Variants in ZNF107 observed in about 807,000 individuals in gnomAD.
The protein encoded by ZNF107 is zinc finger protein 107.
In ZNF107, 19 loss-of-function variants were observed where a neutral mutation model predicts 12.3. The observed-to-expected ratio is 1.55, with a 90% CI of 1.08 to 2.27. The LOEUF is 2.27. Among genes scored for constraint, ZNF107 ranks in the 30% most tolerant of loss-of-function variants. The pLI is 0.00. For missense variants in ZNF107, 958 were observed against 979.9 expected, an observed-to-expected ratio of 0.98 and a Z score of 0.30; for synonymous variants, 317 against 330.5, an observed-to-expected ratio of 0.96 and a Z score of 0.44.
intron 3 of ZNF107, among the ~76,000 whole-genome samples, chr7:64,695,555 TTGCAA>T (rs1790260399): frequency 6.6e-6 from 1 of 152,222 alleles, no homozygotes; most frequent in Non-Finnish European, 1.5e-5. Context: ...TTTAGATAAT[TTGCAA>T]TTCTGTTTGT....
Position 64,689,955 on chromosome 7 carries a change from A to C in ZNF107, c.4-1293A>C, listed in dbSNP as rs976317890. 2.0e-5 allele frequency: 3 copies of C among 152,238 alleles called. No individual in the cohort carries two copies. In the East Asian group the frequency reaches 5.8e-4, roughly 29 times the overall value. The allele number at this position is 152,238 out of a possible 1,614,324, so 9.4% of individuals were successfully genotyped here. On this transcript the variant is annotated intron_variant, in intron 1 of 3. Transcript: ENST00000620827. ...AAGGAGGAGGTCTGGAGACTCAAGC[A>C]GATAAACTAATTGCTACCATTTCAT...
At chr7:64,695,565 GTTTGTAC>G (rs1790261131) in intron 3 of ZNF107, among the ~76,000 whole-genome samples, 1 of 152,052 alleles carries the variant, frequency 6.6e-6, no homozygotes, top group Non-Finnish European at 1.5e-5. Context: ...TTGCAATTCT[GTTTGTAC>G]ACTTTTAAGT....
intron 1 of ZNF107, among the ~76,000 whole-genome samples, chr7:64,677,787 G>A (rs1413172902): frequency 6.6e-5 from 10 of 150,696 alleles, no homozygotes; most frequent in Admixed American, 6.6e-4. Flanking sequence ...GCAAGGCGGG[G>A]CTTGCAGTGA....
Position 64,706,953 on chromosome 7 carries a change from A to C in ZNF107, c.856A>C (p.Lys286Gln). 6.2e-7 allele frequency: 1 copy of C among 1,613,276 alleles called. No individual in the cohort carries two copies. The highest frequency in any genetic ancestry group is 8.5e-7 in the Non-Finnish European group (1 of 1,179,658). ...AATTCATACTGGAGAAAAACCTTAC[A>C]AATATGAAGAATGTGGCAAAGTCTT... ...KIIHTGEKPYKYEECGKVFSQ... is the reference protein window; with the variant it reads ...KIIHTGEKPYQYEECGKVFSQ... The change falls in exon 4 of 4, where the codon AAA becomes CAA. Residue 286 changes from lysine to glutamine, a missense_variant. By Grantham distance (53) the Lys-to-Gln change is moderately conservative (BLOSUM62 1). Transcript: ENST00000620827.
intron 3 of ZNF107, among the ~76,000 whole-genome samples, chr7:64,696,234 G>A (rs1027871001): frequency 1.2e-4 from 19 of 152,192 alleles, no homozygotes; most frequent in African/African-American, 4.3e-4. Flanking sequence ...TGTATTTTTA[G>A]TAGAGACGGG....
At chr7:64,684,745 ACT>A (rs1789832317) in intron 1 of ZNF107, 1 of 982,390 alleles carries the variant, frequency 1.0e-6, no homozygotes. Flanking sequence ...CTTTTAGGGC[ACT>A]CTGTATAACT....
chr7:64,669,233 C>G (rs1057185520), intron 1 of ZNF107: 13 of 151,602 alleles, frequency 8.6e-5, no homozygotes, highest in African/African-American at 3.1e-4. Flanking sequence ...GCAGGCTGGC[C>G]TTGAACTCCT....
At chr7:64,670,502 G>C (rs12667158) in intron 1 of ZNF107, among the ~76,000 whole-genome samples, 7,168 of 152,170 alleles carry the variant, frequency 0.047, 456 homozygotes, top group African/African-American at 0.14. Context: ...GTTTGATTAA[G>C]AAGAACTTTC....
chr7:64,706,335 C>T lies in ZNF107; in HGVS notation c.238C>T (p.His80Tyr). Residue 80 changes from histidine to tyrosine, a missense_variant, in exon 4 of 4, where the codon CAT (histidine) becomes TAT (tyrosine). His to Tyr is a moderately conservative substitution (Grantham distance 83). Transcript: ENST00000620827. ...TTTATTTCTTTCAGTAATGTCTTTT[C>T]ATTTTGCCCAAGACCTTTGGCCAGA... The part of the protein sequence containing the change: ...MVAKPPVMSF[H>Y]FAQDLWPEQN... 6.5e-7 allele frequency: 1 copy of T among 1,536,330 alleles called. No individual in the cohort carries two copies. Among genetic ancestry groups the T allele is most frequent in the Non-Finnish European group, 8.8e-7 (1 of 1,142,294 alleles).
chr7:64,693,763 G>T (rs1790196535), intron 3 of ZNF107, among the ~76,000 whole-genome samples: 2 of 152,050 alleles, frequency 1.3e-5, no homozygotes, highest in Admixed American at 1.3e-4. Context: ...TACCAGAGAG[G>T]ATTTTTCCAG....
At chr7:64,689,340 A>T (rs1790039177) in intron 1 of ZNF107, 1 of 152,116 alleles carries the variant, frequency 6.6e-6, no homozygotes, top group Non-Finnish European at 1.5e-5. Flanking sequence ...CTGCATTGTG[A>T]GATGTCAACA....
At chr7:64,704,062 G>A (rs529286897) in intron 3 of ZNF107, among the ~76,000 whole-genome samples, 41 of 151,114 alleles carry the variant, frequency 2.7e-4, no homozygotes, top group South Asian at 6.3e-4. Context: ...TATTCATTAC[G>A]TCTGCCCTCA....
intron 1 of ZNF107, among the ~76,000 whole-genome samples, chr7:64,681,297 C>T (rs1789662577): frequency 6.6e-6 from 1 of 152,106 alleles, no homozygotes; most frequent in South Asian, 2.1e-4. Context: ...ACCTGTCTCC[C>T]TAGCCTCCAT....
rs1562847154 is a variant in ZNF107 at position 64,707,506 on chromosome 7, AC to A, written c.1411del (p.His471IlefsTer115). ...TTTAACCAACACTCAAACCTAATTA[AC>A]CATAGGAAAATTTATTCTGGAGAGA... ...KAFNQHSNLI[N>X]HRKIYSGEKP... On this transcript the variant is annotated frameshift_variant, in exon 4 of 4. Transcript: ENST00000620827. LOFTEE classifies it low-confidence loss of function (END_TRUNC). 1 of 1,613,352 alleles carries A rather than the reference AC, an allele frequency of 6.2e-7. No homozygotes were observed. Among genetic ancestry groups the A allele is most frequent in the Non-Finnish European group, 8.5e-7 (1 of 1,179,652 alleles).
chr7:64,707,768 A>G lies in ZNF107; in HGVS notation c.1671A>G (p.Arg557=). ...NRFSTLTKHK[R]IHTGEKPYKC... is the part of the protein sequence containing the mutation. ...TCTCAACCCTTACTAAACATAAGAG[A>G]ATTCATACTGGAGAAAAACCCTATA... Residue 557 remains arginine (R), a synonymous_variant, in exon 4 of 4, where the codon AGA becomes AGG. Transcript: ENST00000620827. 6.2e-7 allele frequency: 1 copy of G among 1,612,264 alleles called. No individual in the cohort carries two copies. Among genetic ancestry groups the G allele is most frequent in the East Asian group, 2.2e-5 (1 of 44,824 alleles).
chr7:64,691,683 TCAATAGTAC>T (rs1277178309), intron 2 of ZNF107, among the ~76,000 whole-genome samples, 173 bp from the exon 3 acceptor site: 2 of 152,202 alleles, frequency 1.3e-5, no homozygotes, highest in African/African-American at 4.8e-5. Context: ...AATTTTTGAT[TCAATAGTAC>T]CAGATAGTAA....
In ZNF107 at chr7:64,707,197, A is replaced by G. The variant is rs201917058; in HGVS notation, c.1100A>G (p.Lys367Arg). 6 of 1,613,606 alleles carry G rather than the reference A, an allele frequency of 3.7e-6. No individual in the cohort carries two copies. The African/African-American group carries it at 5.3e-5, about 14-fold the overall frequency. Reference sequence around the variant, plus strand: ...CAGGAGAAAATTCATACTGGAGGGAAACTCAACAAATGTGAAGAATGTGAC... The same window carrying G: ...CAGGAGAAAATTCATACTGGAGGGAGACTCAACAAATGTGAAGAATGTGAC... ...NKQEKIHTGG[K>R]LNKCEECDKA... is the part of the protein sequence containing the mutation. Residue 367 changes from lysine to arginine, a missense_variant, in exon 4 of 4, where the codon AAA becomes AGA. By Grantham distance (26) the Lys-to-Arg change is conservative (BLOSUM62 2). Coordinates refer to ENST00000620827, the MANE Select transcript of ZNF107 (RefSeq NM_001282359.2).
chr7:64,695,044 C>A (rs1790242159), intron 3 of ZNF107, among the ~76,000 whole-genome samples: 1 of 151,774 alleles, frequency 6.6e-6, no homozygotes, highest in South Asian at 2.1e-4. Flanking sequence ...GAGACTCTAA[C>A]CATATTCTGT....
At chr7:64,704,074 C>T (rs1790561487) in intron 3 of ZNF107, among the ~76,000 whole-genome samples, 1 of 151,706 alleles carries the variant, frequency 6.6e-6, no homozygotes, top group African/African-American at 2.4e-5. Flanking sequence ...CTGCCCTCAA[C>T]TTTGTCATTG....
Sources: gnomAD v4.1 joint callset for allele counts (sites outside exome capture counted in the v4.1 genomes callset) on GRCh38, gnomAD v4.1.1 for gene constraint, MANE v1.5 for transcripts, NCBI Gene and HGNC (gene_info 2026-07-23, HGNC 2026-07-21) for gene names.